Variants in ZNF536 observed in about 807,000 individuals in gnomAD.
ZNF536 encodes the protein zinc finger protein 536.
ZNF536 carries 13 observed loss-of-function variants against 84.5 expected under a neutral mutation model. The ratio of observed to expected loss-of-function variants is 0.15; its 90% CI spans 0.10 to 0.24. The LOEUF is 0.24. ZNF536 is among the 10% of genes least tolerant of loss of function. The pLI, the probability that ZNF536 is intolerant of heterozygous loss-of-function variation, is 1.00. For missense variants in ZNF536, 1,536 were observed against 1,747.5 expected (o/e 0.88, Z 2.16); for synonymous variants, 811 against 742.5 (o/e 1.09, Z -1.50).
intron 1 of ZNF536, among the ~76,000 whole-genome samples, chr19:30,669,235 T>C (rs940103241): frequency 5.9e-5 from 9 of 152,340 alleles, no homozygotes; most frequent in African/African-American, 1.7e-4. Context: ...CTGGGTAGAC[T>C]GCCTCTTGTC....
chr19:30,672,433 T>C (rs1002819105), intron 1 of ZNF536, among the ~76,000 whole-genome samples: 4 of 152,216 alleles, frequency 2.6e-5, no homozygotes, highest in African/African-American at 9.7e-5. Flanking sequence ...AAGAGGGCTT[T>C]GAGAGCTAGC....
At chr19:30,468,502 T>C (rs2053502851) in intron 2 of ZNF536, among the ~76,000 whole-genome samples, 1 of 152,102 alleles carries the variant, frequency 6.6e-6, no homozygotes, top group Non-Finnish European at 1.5e-5. Flanking sequence ...CTCTGGCAGT[T>C]CATAAACTGG....
intron 3 of ZNF536, chr19:30,352,574 C>T (rs530093547): frequency 1.3e-5 from 2 of 152,338 alleles, no homozygotes; most frequent in South Asian, 4.1e-4. Flanking sequence ...CAAATCTAAA[C>T]CAAATAGCTC....
chr19:30,274,749 A>T (rs1426517062), intron 1 of ZNF536, among the ~76,000 whole-genome samples: 1 of 152,158 alleles, frequency 6.6e-6, no homozygotes, highest in Non-Finnish European at 1.5e-5. Context: ...TGAACATTCG[A>T]GTGATATTTA....
chr19:30,462,011 G>A (rs888206064), intron 2 of ZNF536, among the ~76,000 whole-genome samples: 6 of 152,090 alleles, frequency 3.9e-5, no homozygotes, highest in African/African-American at 9.7e-5. Flanking sequence ...CTAATCCTCC[G>A]GCCTGGTCAG....
At chr19:30,349,267 G>A (rs555313248) in intron 2 of ZNF536, among the ~76,000 whole-genome samples, 1 of 152,364 alleles carries the variant, frequency 6.6e-6, no homozygotes, top group South Asian at 2.1e-4. Flanking sequence ...GGTAAGTAGA[G>A]CATTCATAAT....
intron 1 of ZNF536, among the ~76,000 whole-genome samples, chr19:30,404,091 A>G (rs1379632510): frequency 3.9e-5 from 5 of 128,910 alleles, no homozygotes; most frequent in Non-Finnish European, 7.7e-5. Flanking sequence ...GTTCCATCCC[A>G]CGTTTCTTAT....
In ZNF536 at chr19:30,517,321, G is replaced by A. The variant is rs542563620; in HGVS notation, c.2171-17526G>A. Among the ~76,000 whole-genome samples the A allele has an allele frequency of 9.2e-5, 14 of 152,168 alleles. No homozygotes were observed. The South Asian group carries it at 2.5e-3, about 27-fold the overall frequency. On this transcript the variant is annotated intron_variant, in intron 2 of 4. Coordinates refer to ENST00000355537, the MANE Select transcript of ZNF536 (RefSeq NM_014717.3). ...TTGCCTAACTGAGATTATTAAGGCC[G>A]TTTTTAGAGGTGGAAAGGGCTCCCA... is the stretch of plus-strand genomic sequence containing the variant.
At chr19:30,652,262 T>A (rs1808326379) in intron 1 of ZNF536, among the ~76,000 whole-genome samples, 1 of 152,240 alleles carries the variant, frequency 6.6e-6, no homozygotes, top group South Asian at 2.1e-4. Flanking sequence ...AACTTTATTA[T>A]CTTGCTGTCT....
chr19:30,375,287 C>T (rs1224176504), intron 1 of ZNF536, among the ~76,000 whole-genome samples: 2 of 150,556 alleles, frequency 1.3e-5, no homozygotes, highest in South Asian at 2.1e-4. Context: ...CCGGGCCCCG[C>T]GAGCGGCCGC....
intron 2 of ZNF536, among the ~76,000 whole-genome samples, chr19:30,455,924 A>G (rs986254319): frequency 6.6e-6 from 1 of 152,190 alleles, no homozygotes; most frequent in South Asian, 2.1e-4. Context: ...AATGTATGTC[A>G]TATTTTTTCT....
intron 1 of ZNF536, among the ~76,000 whole-genome samples, chr19:30,590,895 C>A (rs554105765): frequency 5.9e-5 from 9 of 152,344 alleles, no homozygotes; most frequent in African/African-American, 2.2e-4. Flanking sequence ...GGTTGCTAAC[C>A]TTCCCAGGTG....
upstream of ZNF536, among the ~76,000 whole-genome samples, chr19:30,368,620 A>T (rs562755136): frequency 6.6e-6 from 1 of 152,356 alleles, no homozygotes; most frequent in South Asian, 2.1e-4. Context: ...CTATTTTTAC[A>T]TGAAACTCAA....
At chr19:30,359,664 G>A (rs1185613552) in intron 3 of ZNF536, among the ~76,000 whole-genome samples, 1 of 152,104 alleles carries the variant, frequency 6.6e-6, no homozygotes, top group Non-Finnish European at 1.5e-5. Flanking sequence ...GGATGGCCAA[G>A]TTCCATCCTT....
chr19:30,307,936 G>A (rs758310281), intron 2 of ZNF536, among the ~76,000 whole-genome samples: 1 of 152,168 alleles, frequency 6.6e-6, no homozygotes, highest in African/African-American at 2.4e-5. Flanking sequence ...ACCTTCCTGG[G>A]TGGCTTTCGA....
intron 1 of ZNF536, among the ~76,000 whole-genome samples, chr19:30,639,769 C>T (rs574805575): frequency 5.3e-5 from 8 of 152,300 alleles, no homozygotes; most frequent in South Asian, 2.1e-4. Flanking sequence ...CCTTGGACTA[C>T]GGATGTCTCT....
At chr19:30,396,592 C>CTTTTTTTTT (rs386388859) in intron 1 of ZNF536, among the ~76,000 whole-genome samples, 2 of 112,400 alleles carry the variant, frequency 1.8e-5, no homozygotes, top group Non-Finnish European at 1.8e-5. Context: ...AGGGCTCTCT[C>CTTTTTTTTT]TTTTTTTTTT....
intron 1 of ZNF536, among the ~76,000 whole-genome samples, chr19:30,431,593 G>T (rs1026511468): frequency 6.6e-5 from 10 of 152,178 alleles, no homozygotes; most frequent in Non-Finnish European, 1.5e-5. Context: ...ATTTAGTTTT[G>T]CACCGAATCA....
chr19:30,443,765 C>T lies in ZNF536; in HGVS notation c.203C>T (p.Ala68Val), dbSNP rs2148152536. ...EKPPASLEEK[A>V]HVPMSGQPMG... Reference sequence around the variant, plus strand: ...CCCCCCGCATCCCTGGAGGAGAAGGCCCACGTGCCCATGAGCGGCCAGCCC... The same window carrying T: ...CCCCCCGCATCCCTGGAGGAGAAGGTCCACGTGCCCATGAGCGGCCAGCCC... The change falls in exon 2 of 5, where the codon GCC (alanine) becomes GTC (valine). Residue 68 changes from alanine to valine, a missense_variant. Transcript: ENST00000355537. 3.7e-6 allele frequency: 6 copies of T among 1,612,728 alleles called. No homozygotes were observed. The highest frequency in any genetic ancestry group is 1.1e-5 in the South Asian group (1 of 90,904).
Sources: allele counts gnomAD v4.1 joint callset (sites outside exome capture counted in the v4.1 genomes callset), GRCh38; gene constraint gnomAD v4.1.1; transcripts MANE v1.5; gene names NCBI Gene and HGNC (gene_info 2026-07-23, HGNC 2026-07-21).